The following CUX1 variants were observed in gnomAD, a reference collection of about 807,000 sequenced individuals.
CUX1 encodes the protein protein CASP.
A neutral mutation model predicts 158.8 loss-of-function variants in CUX1; 31 were observed. The ratio of observed to expected loss-of-function variants is 0.20; its 90% CI spans 0.15 to 0.26. CUX1 has a LOEUF of 0.26. Among genes scored for constraint, CUX1 ranks in the 10% least tolerant of loss-of-function variants. The pLI is 1.00. For missense variants in CUX1, 1,589 were observed against 2,014.6 expected, an observed-to-expected ratio of 0.79 and a Z score of 4.04; for synonymous variants, 879 against 862.1, an observed-to-expected ratio of 1.02 and a Z score of -0.34.
chr7:101,893,427 G>C (rs1005446301), intron 1 of CUX1, among the ~76,000 whole-genome samples: 1 of 152,068 alleles, frequency 6.6e-6, no homozygotes, highest in South Asian at 2.1e-4. Context: ...CCTTGTAGAC[G>C]GAAAGTTCTG....
intron 8 of CUX1, among the ~76,000 whole-genome samples, chr7:102,138,179 G>A (rs114872400): frequency 0.018 from 2,692 of 152,194 alleles, 53 homozygotes; most frequent in African/African-American, 0.052. Flanking sequence ...GTGAGATCCC[G>A]TCTCCAAAAA....
intron 5 of CUX1, among the ~76,000 whole-genome samples, chr7:102,099,934 C>T (rs1454215442): frequency 6.6e-6 from 1 of 151,994 alleles, no homozygotes; most frequent in Non-Finnish European, 1.5e-5. Flanking sequence ...CCAAAGATCT[C>T]ATCCACACTC....
chr7:101,844,606 C>T (rs1325204886), intron 1 of CUX1, among the ~76,000 whole-genome samples: 3 of 151,862 alleles, frequency 2.0e-5, no homozygotes, highest in Admixed American at 6.6e-5. Flanking sequence ...TCCTTGTCAT[C>T]GTTCTTCTTT....
intron 1 of CUX1, among the ~76,000 whole-genome samples, chr7:101,904,324 A>G (rs1802512537): frequency 6.6e-6 from 1 of 152,090 alleles, no homozygotes; most frequent in Admixed American, 6.6e-5. Flanking sequence ...TTGTATGTTT[A>G]TATACTGAGA....
rs566408140 is a variant in CUX1 at position 102,098,803 on chromosome 7, A to G, written c.406+1302A>G. ...CTACAGGAGCCCGCCACCACGCCCA[A>G]CTAATTTTTTTTTTTTTTTTTTTTT... On this transcript the variant is annotated intron_variant, in intron 5 of 23. Coordinates refer to ENST00000292535, the MANE Select transcript of CUX1 (RefSeq NM_181552.4). Among the ~76,000 whole-genome samples the G allele has an allele frequency of 9.0e-5, 12 of 133,892 alleles. No homozygotes were observed. The East Asian group carries it at 2.5e-3, about 28-fold the overall frequency. The allele number at this position is 133,892 out of a possible 152,430, so 87.8% of individuals were successfully genotyped here.
intron 2 of CUX1, among the ~76,000 whole-genome samples, chr7:102,018,224 G>A (rs1405191521): frequency 2.6e-5 from 4 of 152,176 alleles, no homozygotes; most frequent in South Asian, 4.1e-4. Context: ...GCCTCCCAAC[G>A]TGCAGGGATT....
chr7:101,844,203 A>T (rs1584735691), intron 1 of CUX1, among the ~76,000 whole-genome samples: 1 of 40,296 alleles, frequency 2.5e-5, no homozygotes, highest in East Asian at 6.4e-4. Context: ...CCCGCCCCCA[A>T]CCCCAGCAGC....
intron 1 of CUX1, among the ~76,000 whole-genome samples, chr7:101,827,290 C>T (rs866300590): frequency 1.1e-4 from 13 of 114,004 alleles, no homozygotes; most frequent in South Asian, 2.7e-4. Context: ...CTTCTCTTCT[C>T]TTCTTTTCTT....
At chr7:101,999,423 T>G (rs911722238) in intron 2 of CUX1, among the ~76,000 whole-genome samples, 1 of 152,100 alleles carries the variant, frequency 6.6e-6, no homozygotes, top group Non-Finnish European at 1.5e-5. Context: ...AGCATAGCCC[T>G]TTGAACTTGA....
chr7:102,281,719 C>A (rs1263509592), intron 20 of CUX1: 1 of 697,960 alleles, frequency 1.4e-6, no homozygotes, highest in Non-Finnish European at 2.6e-6. Flanking sequence ...GGAATAGGGG[C>A]CCCAGCTTCC....
rs374339832 is a variant in CUX1, at chr7:102,257,898, C to CTTT, written c.*8870_*8872dup. 2,438 of 892,618 alleles carry CTTT rather than the reference C, an allele frequency of 2.7e-3. 58 individuals carry two copies. In the African/African-American group the frequency reaches 0.048, roughly 17 times the overall value. 55.3% of individuals were successfully genotyped at this position (892,618 alleles called of 1,614,324 possible). On this transcript the variant is annotated 3_prime_UTR_variant, in exon 24 of 24. Transcript: ENST00000292535. ...GAAAAAAGGAAAAAAAAAAAGTCGT[C>CTTT]TTTTTTTTTTTTTTTTGTACAAATC...
At chr7:101,934,575 T>A (rs940901665) in intron 2 of CUX1, among the ~76,000 whole-genome samples, 1 of 152,058 alleles carries the variant, frequency 6.6e-6, no homozygotes, top group African/African-American at 2.4e-5. Context: ...CTCTCATGAG[T>A]TAAAGAAAGG....
intron 20 of CUX1, among the ~76,000 whole-genome samples, chr7:102,212,582 G>A (rs1796655782): frequency 2.6e-5 from 4 of 152,136 alleles, no homozygotes; most frequent in Admixed American, 2.6e-4. Context: ...GTTACAAAAT[G>A]CAAGCATTCA....
Position 102,252,711 on chromosome 7 carries a change from G to A in CUX1, c.*3669G>A, listed in dbSNP as rs1801645593. The A allele has an allele frequency of 2.0e-5, 20 of 985,330 alleles. No homozygotes were observed. The highest frequency in any genetic ancestry group is 4.7e-5 in the South Asian group (1 of 21,288). The allele number at this position is 985,330 out of a possible 1,614,324, so 61.0% of individuals were successfully genotyped here. On this transcript the variant is annotated 3_prime_UTR_variant, in exon 24 of 24. Coordinates refer to ENST00000292535, the MANE Select transcript of CUX1 (RefSeq NM_181552.4). ...CTGTGCCCAACTCACTTCCACCCCAGAGGAGTCTTCTGTCCTCCTCCCCAA... is the reference window on the plus strand; with the variant it reads ...CTGTGCCCAACTCACTTCCACCCCAAAGGAGTCTTCTGTCCTCCTCCCCAA...
At chr7:101,961,159 G>A (rs1216999335) in intron 2 of CUX1, 1 of 152,308 alleles carries the variant, frequency 6.6e-6, no homozygotes, top group East Asian at 1.9e-4. Flanking sequence ...GAGGAGAGTA[G>A]CATTCACCTG....
In CUX1 at chr7:102,252,584, C is replaced by T. The variant is rs2734605; in HGVS notation, c.*3542C>T. On this transcript the variant is annotated 3_prime_UTR_variant, in exon 24 of 24. Coordinates refer to ENST00000292535, the MANE Select transcript of CUX1 (RefSeq NM_181552.4). ...TAACTTAGCTGGCTAAGCAGAGGCT[C>T]GGGGTAAAATCAGTGTTTGCATTTA... 0.7 allele frequency: 689,473 copies of T among 985,244 alleles called. 241,932 individuals carry two copies. The highest frequency in any genetic ancestry group is 0.92 in the East Asian group (8,134 of 8,812). The allele number at this position is 985,244 out of a possible 1,614,324, so 61.0% of individuals were successfully genotyped here.
chr7:101,977,739 C>G (rs1405413970), intron 2 of CUX1, among the ~76,000 whole-genome samples: 1 of 152,032 alleles, frequency 6.6e-6, no homozygotes, highest in Admixed American at 6.6e-5. Flanking sequence ...CCACTGCACT[C>G]TAGCCTGGGT....
At position 101,869,122 on chromosome 7, in the gene CUX1, CAGA is replaced by C. The variant is rs1455391717; in HGVS notation, c.31-46990_31-46988del. On this transcript the variant is annotated intron_variant, in intron 1 of 23. Coordinates refer to ENST00000292535, the MANE Select transcript of CUX1 (RefSeq NM_181552.4). The surrounding 1 kb of genome is among the most constrained non-coding windows in gnomAD (Gnocchi z 4.5). ...ATGGACTTGGGCAGGTAGCAAAGGC[CAGA>C]AGGAGTGGGAGTCATTCCACCTGGG... Among the ~76,000 whole-genome samples, 2 of 151,806 alleles carry C rather than the reference CAGA, an allele frequency of 1.3e-5. No individual in the cohort carries two copies. The highest frequency in any genetic ancestry group is 2.9e-5 in the Non-Finnish European group (2 of 67,972).
intron 1 of CUX1, among the ~76,000 whole-genome samples, chr7:101,894,794 G>A (rs1232266292): frequency 6.6e-6 from 1 of 152,180 alleles, no homozygotes. Context: ...GGAGGGTACT[G>A]TTTAAGCATT....
Sources: allele counts gnomAD v4.1 joint callset (sites outside exome capture counted in the v4.1 genomes callset), GRCh38; gene constraint gnomAD v4.1.1; non-coding constraint Gnocchi (gnomAD v3.1); transcripts MANE v1.5; gene names NCBI Gene and HGNC (gene_info 2026-07-23, HGNC 2026-07-21).